Variants in PI4KA observed in about 807,000 individuals in gnomAD.
PI4KA encodes the protein PI4-kinase alpha.
A neutral mutation model predicts 271.4 loss-of-function variants in PI4KA; 122 were observed. The observed-to-expected ratio is 0.45, with a 90% CI of 0.39 to 0.52. PI4KA has a LOEUF of 0.52. PI4KA is among the 20% of genes least tolerant of loss of function. The pLI, the probability that PI4KA is intolerant of heterozygous loss-of-function variation, is 0.00. For missense variants in PI4KA, 1,969 were observed against 2,769.1 expected (o/e 0.71, Z 6.48); for synonymous variants, 1,041 against 1,078.8 (o/e 0.96, Z 0.69).
intron 8 of PI4KA, among the ~76,000 whole-genome samples, chr22:20,811,847 A>C (rs1223295915): frequency 6.6e-6 from 1 of 151,856 alleles, no homozygotes; most frequent in Non-Finnish European, 1.5e-5. Flanking sequence ...CCCTGTTTCT[A>C]CTAAAAATAC....
At chr22:20,849,220 AAAC>A (rs1206185968) in intron 1 of PI4KA, among the ~76,000 whole-genome samples, 1 of 152,218 alleles carries the variant, frequency 6.6e-6, no homozygotes, top group Non-Finnish European at 1.5e-5. Flanking sequence ...AATGTAAAGA[AAAC>A]AAGCCCTCTG....
intron 31 of PI4KA, 71 bp from the exon 32 acceptor site, chr22:20,742,426 A>G: frequency 1.3e-6 from 2 of 1,584,280 alleles, no homozygotes; most frequent in Non-Finnish European, 8.6e-7. Flanking sequence ...CCCTGGGCCA[A>G]CAAGAGTTGA....
chr22:20,720,713 GA>G, intron 43 of PI4KA, among the ~76,000 whole-genome samples: 1 of 152,132 alleles, frequency 6.6e-6, no homozygotes, highest in Non-Finnish European at 1.5e-5. Flanking sequence ...ACGAGAATGA[GA>G]ATCCAGCCGT....
At chr22:20,842,016 G>A (rs1263350731) in intron 1 of PI4KA, among the ~76,000 whole-genome samples, 1 of 152,114 alleles carries the variant, frequency 6.6e-6, no homozygotes, top group African/African-American at 2.4e-5. Context: ...AGGAGTTCAA[G>A]ACTAGCCTAG....
chr22:20,812,948 G>T (rs1921260403), intron 8 of PI4KA, among the ~76,000 whole-genome samples: 3 of 152,140 alleles, frequency 2.0e-5, no homozygotes, highest in Admixed American at 6.5e-5. Context: ...TCATCCAAAG[G>T]TACCCAAATA....
rs150665089 is a variant in PI4KA at position 20,769,485 on chromosome 22, C to T, written c.2329-3792G>A. 2.6e-3 allele frequency among the ~76,000 whole-genome samples: 396 copies of T among 152,012 alleles called. 9 individuals are homozygous for T. In the East Asian group the frequency reaches 0.055, roughly 21 times the overall value. ...GAGATCGAGATCAGCCTGGCTAACACGGTAAAACCCCATCTCTACTAAAAA... is the reference window on the plus strand; with the variant it reads ...GAGATCGAGATCAGCCTGGCTAACATGGTAAAACCCCATCTCTACTAAAAA... On this transcript the variant is annotated intron_variant, in intron 19 of 54. Coordinates refer to ENST00000255882, the MANE Select transcript of PI4KA (RefSeq NM_058004.4).
At chr22:20,758,166 C>T (rs1931515189) in intron 23 of PI4KA, among the ~76,000 whole-genome samples, 1 of 151,830 alleles carries the variant, frequency 6.6e-6, no homozygotes, top group African/African-American at 2.4e-5. Flanking sequence ...GAGATCGAGA[C>T]CATTCTGGCT....
intron 43 of PI4KA, among the ~76,000 whole-genome samples, chr22:20,719,111 G>A (rs1217714940): frequency 3.9e-5 from 6 of 152,106 alleles, no homozygotes; most frequent in African/African-American, 1.4e-4. Flanking sequence ...AAAAGCCCGT[G>A]TCATTTATGA....
Position 20,752,938 on chromosome 22 carries a change from C to T in PI4KA, c.2952G>A (p.Arg984=). The change falls in exon 25 of 55, where the codon AGG becomes AGA. Residue 984 remains arginine (R), a synonymous_variant. Coordinates refer to ENST00000255882, the MANE Select transcript of PI4KA (RefSeq NM_058004.4). The part of the protein sequence containing the change: ...NFNHIHKRIR[R]VADKYLSGLV... ...GACCAGATAGATACTTGTCTGCCAC[C>T]CTCCTTATCCTCTTGTGGATGTGGT... is the stretch of plus-strand genomic sequence containing the variant. 1 of 1,614,126 alleles carries T rather than the reference C, an allele frequency of 6.2e-7. No homozygotes were observed. The highest frequency in any genetic ancestry group is 8.5e-7 in the Non-Finnish European group (1 of 1,179,992).
Position 20,797,802 on chromosome 22 carries a change from A to G in PI4KA, c.2108+782T>C, listed in dbSNP as rs559094727. Among the ~76,000 whole-genome samples, 5 of 152,286 alleles carry G rather than the reference A, an allele frequency of 3.3e-5. No homozygotes were observed. In the East Asian group the frequency reaches 9.7e-4, roughly 30 times the overall value. On this transcript the variant is annotated intron_variant, in intron 17 of 54. Coordinates refer to ENST00000255882, the MANE Select transcript of PI4KA (RefSeq NM_058004.4). ...ACTGACATGGAGAGAATCCAGAGGA[A>G]GGCCTGGACTTCACAGTCAGAAGGG...
At chr22:20,846,133 G>A (rs959196218) in intron 1 of PI4KA, among the ~76,000 whole-genome samples, 57 of 151,012 alleles carry the variant, frequency 3.8e-4, no homozygotes, top group African/African-American at 1.3e-3. Context: ...GCTTGGTGGC[G>A]GGTGCCTGTA....
rs1314441093 is a variant in PI4KA, at chr22:20,747,990, C to G, written c.3244-288G>C. On this transcript the variant is annotated intron_variant, in intron 28 of 54. Transcript: ENST00000255882. ...GGCTCAAGTGATCCTCCCGCCTCAG[C>G]ATCCCAAAATGTCAGGATTACAGGC... 6.2e-4 allele frequency among the ~76,000 whole-genome samples: 94 copies of G among 152,242 alleles called. 3 individuals are homozygous for G. Among genetic ancestry groups the G allele is most frequent in the Non-Finnish European group, 2.9e-5 (2 of 68,042 alleles).
chr22:20,833,560 G>A (rs2147757455), intron 3 of PI4KA, among the ~76,000 whole-genome samples: 1 of 152,292 alleles, frequency 6.6e-6, no homozygotes, highest in East Asian at 1.9e-4. Flanking sequence ...CATGCCTGTG[G>A]CGGTGGTGTT....
At chr22:20,832,758 T>A (rs1051559059) in intron 3 of PI4KA, among the ~76,000 whole-genome samples, 2 of 152,136 alleles carry the variant, frequency 1.3e-5, no homozygotes, top group African/African-American at 2.4e-5. Flanking sequence ...CCCGGCCGGT[T>A]TTTTCTTAAA....
chr22:20,762,362 T>C (rs1932054019), intron 22 of PI4KA, among the ~76,000 whole-genome samples: 1 of 152,176 alleles, frequency 6.6e-6, no homozygotes, highest in Non-Finnish European at 1.5e-5. Context: ...GTTTTAAAGC[T>C]CTCTCAATAC....
At position 20,799,107 on chromosome 22, in the gene PI4KA, C is replaced by T. The variant is rs1316096893; in HGVS notation, c.1990G>A (p.Val664Ile). The T allele has an allele frequency of 6.2e-7, 1 of 1,613,384 alleles. No homozygotes were observed. Among genetic ancestry groups the T allele is most frequent in the Admixed American group, 1.7e-5 (1 of 59,912 alleles). Residue 664 changes from valine to isoleucine, a missense_variant, in exon 16 of 55, where the codon GTT becomes ATT. By Grantham distance (29) the Val-to-Ile change is conservative. Around this residue, in one of 13 missense-constraint regions of PI4KA, gnomAD observed 228 missense variants for 261.6 expected, o/e 0.87. Transcript: ENST00000255882. ...GCCTCCCTTACATTTCCGGTGATAACCAGGCAGCCCAGCTGGTCAATAATC... is the reference window on the plus strand; with the variant it reads ...GCCTCCCTTACATTTCCGGTGATAATCAGGCAGCCCAGCTGGTCAATAATC... ...VLIIDQLGCL[V>I]ITGNQYIYQE...
At chr22:20,713,761 C>T (rs554560230) in intron 47 of PI4KA, among the ~76,000 whole-genome samples, 1 of 152,314 alleles carries the variant, frequency 6.6e-6, no homozygotes, top group South Asian at 2.1e-4. Context: ...GCAGACATGG[C>T]CATGGGAGGC....
At chr22:20,717,016 C>T (rs527769750) in intron 45 of PI4KA, among the ~76,000 whole-genome samples, 8 of 152,146 alleles carry the variant, frequency 5.3e-5, no homozygotes, top group East Asian at 3.9e-4. Context: ...GAGGCCGAGG[C>T]GGGCAGATCA....
Position 20,742,234 on chromosome 22 carries a change from TTCCAC to T in PI4KA, c.3730_3734del (p.Val1244SerfsTer25), listed in dbSNP as rs772480767. ...CCCGAGGTCAGGGTCCTACCGGCAC[TTCCAC>T]TCCATCCTTGCCAGCCAGCAGCCAC... On this transcript the variant is annotated frameshift_variant, in exon 32 of 55. Transcript: ENST00000255882. LOFTEE classifies it high-confidence loss of function. 1.2e-6 allele frequency: 2 copies of T among 1,613,922 alleles called. No homozygotes were observed. The highest frequency in any genetic ancestry group is 2.7e-5 in the African/African-American group (2 of 74,908).
Sources: allele counts gnomAD v4.1 joint callset (sites outside exome capture counted in the v4.1 genomes callset), GRCh38; gene constraint gnomAD v4.1.1; regional missense constraint gnomAD v4.1.1; transcripts MANE v1.5; gene names NCBI Gene and HGNC (gene_info 2026-07-23, HGNC 2026-07-21).